WWOX: variants seen among roughly 807,000 people sequenced by gnomAD.
WWOX encodes WW domain-containing oxidoreductase.
Under a neutral mutation model 46.2 loss-of-function variants are expected in WWOX, and 69 were observed. The observed-to-expected ratio is 1.49, with a 90% CI of 1.23 to 1.82. The LOEUF (loss-of-function observed/expected upper bound fraction) is 1.82. Among genes scored for constraint, WWOX ranks in the 40% most tolerant of loss-of-function variants. The pLI is 0.00. For synonymous variants in WWOX, 359 were observed against 202.6 expected (o/e 1.77, Z -6.56); for missense variants, 919 against 542.6 (o/e 1.69, Z -6.89).
chr16:78,566,306 C>A (rs1324338762), intron 8 of WWOX, among the ~76,000 whole-genome samples: 1 of 152,204 alleles, frequency 6.6e-6, no homozygotes, highest in East Asian at 1.9e-4. Flanking sequence ...GAGAGGAACA[C>A]ATACATTTAG....
chr16:78,187,313 G>A (rs947181008), intron 5 of WWOX, among the ~76,000 whole-genome samples: 5 of 152,136 alleles, frequency 3.3e-5, no homozygotes, highest in Non-Finnish European at 7.3e-5. Flanking sequence ...CTGCACTCAA[G>A]GAACTTAGTC....
At chr16:79,174,230 C>T (rs2050756295) in intron 8 of WWOX, among the ~76,000 whole-genome samples, 1 of 152,198 alleles carries the variant, frequency 6.6e-6, no homozygotes, top group African/African-American at 2.4e-5. Context: ...TGCCTCTTGG[C>T]CACCAATGCT....
At chr16:78,728,239 A>G (rs1318774897) in intron 8 of WWOX, among the ~76,000 whole-genome samples, 2 of 151,122 alleles carry the variant, frequency 1.3e-5, no homozygotes, top group East Asian at 3.9e-4. Flanking sequence ...TGATTTTTGT[A>G]TTTTTTGTAG....
chr16:78,390,606 T>C (rs2082156333), intron 6 of WWOX, among the ~76,000 whole-genome samples: 1 of 152,212 alleles, frequency 6.6e-6, no homozygotes, highest in Non-Finnish European at 1.5e-5. Context: ...GATTTTACTT[T>C]TGAAATGCTG....
intron 8 of WWOX, among the ~76,000 whole-genome samples, chr16:78,913,515 C>T (rs966062197): frequency 4.6e-5 from 7 of 151,934 alleles, no homozygotes; most frequent in African/African-American, 1.7e-4. Context: ...CTGGATAGAG[C>T]CAGGGTCCCT....
chr16:78,278,212 T>A (rs1223398240), intron 5 of WWOX, among the ~76,000 whole-genome samples: 2 of 152,186 alleles, frequency 1.3e-5, no homozygotes, highest in African/African-American at 4.8e-5. Context: ...AGTGTGTGTA[T>A]GTGTATACAG....
At chr16:78,197,956 T>G (rs977426672) in intron 5 of WWOX, among the ~76,000 whole-genome samples, 2 of 152,056 alleles carry the variant, frequency 1.3e-5, no homozygotes, top group Non-Finnish European at 2.9e-5. Context: ...ATTTTTTTTT[T>G]AAATTTCTTC....
intron 8 of WWOX, among the ~76,000 whole-genome samples, chr16:78,936,014 G>A (rs2045730058): frequency 6.6e-6 from 1 of 152,112 alleles, no homozygotes; most frequent in Non-Finnish European, 1.5e-5. Flanking sequence ...CTGAAGTTCT[G>A]CCAACACAGT....
chr16:78,381,242 C>T (rs11150071), intron 5 of WWOX, among the ~76,000 whole-genome samples: 95,776 of 152,130 alleles, frequency 0.63, 31,527 homozygotes, highest in Non-Finnish European at 0.69. Flanking sequence ...TAAAATGATA[C>T]TAGAGATCAC....
intron 5 of WWOX, among the ~76,000 whole-genome samples, chr16:78,304,622 AC>A (rs1260573648): frequency 6.6e-6 from 1 of 152,202 alleles, no homozygotes; most frequent in Non-Finnish European, 1.5e-5. Context: ...GTGCTGCTTC[AC>A]GATAATCCAT....
intron 4 of WWOX, among the ~76,000 whole-genome samples, chr16:78,158,314 A>G (rs1035694074): frequency 1.3e-5 from 2 of 152,204 alleles, no homozygotes; most frequent in Non-Finnish European, 2.9e-5. Context: ...GCTGAATTGC[A>G]TAGCTGCCTT....
chr16:78,772,600 C>G (rs961808498), intron 8 of WWOX, among the ~76,000 whole-genome samples: 3 of 152,110 alleles, frequency 2.0e-5, no homozygotes, highest in Non-Finnish European at 4.4e-5. Flanking sequence ...ATTAAACAAA[C>G]AAATAAAAAA....
intron 8 of WWOX, among the ~76,000 whole-genome samples, chr16:78,712,760 T>C (rs553362836): frequency 1.8e-4 from 27 of 152,316 alleles, no homozygotes; most frequent in African/African-American, 4.6e-4. Flanking sequence ...TGAAATGATA[T>C]GATAACTAAG....
Position 78,917,560 on chromosome 16 carries a change from A to G in WWOX, c.1057-294048A>G, listed in dbSNP as rs559094997. Among the ~76,000 whole-genome samples the G allele has an allele frequency of 9.2e-5, 14 of 152,170 alleles. 1 individual carries two copies. The highest frequency in any genetic ancestry group is 5.9e-4 in the Admixed American group (9 of 15,290). ...TGTTGGAAATTATTCCTAACCCCCA[A>G]CCACTGTCACTGCCACAATCAAACA... On this transcript the variant is annotated intron_variant, in intron 8 of 8. Transcript: ENST00000566780.
chr16:78,604,117 C>T (rs924846914), intron 8 of WWOX, among the ~76,000 whole-genome samples: 2 of 152,082 alleles, frequency 1.3e-5, no homozygotes, highest in African/African-American at 2.4e-5. Flanking sequence ...GAATTCTAGC[C>T]TGGGTGACCG....
At chr16:78,844,893 A>G (rs963707425) in intron 8 of WWOX, among the ~76,000 whole-genome samples, 2 of 152,308 alleles carry the variant, frequency 1.3e-5, no homozygotes, top group Admixed American at 6.5e-5. Flanking sequence ...CAAAGTGGCC[A>G]GAGCTAGTGG....
intron 5 of WWOX, chr16:78,355,562 A>G: frequency 2.2e-6 from 1 of 452,898 alleles, no homozygotes; most frequent in South Asian, 1.9e-5. Context: ...GCAAACTACC[A>G]ACACTGTGGA....
chr16:79,126,694 G>A (rs1400502018), intron 8 of WWOX, among the ~76,000 whole-genome samples: 1 of 152,186 alleles, frequency 6.6e-6, no homozygotes, highest in African/African-American at 2.4e-5. Flanking sequence ...AGGGAGCAGT[G>A]ATGGAGCACA....
intron 8 of WWOX, among the ~76,000 whole-genome samples, chr16:78,500,940 A>G (rs1259633509): frequency 6.6e-6 from 1 of 152,166 alleles, no homozygotes; most frequent in East Asian, 1.9e-4. Context: ...CAAGTGATGC[A>G]GGTACCACGC....
Sources: allele counts gnomAD v4.1 joint callset (sites outside exome capture counted in the v4.1 genomes callset), GRCh38; gene constraint gnomAD v4.1.1; transcripts MANE v1.5; gene names NCBI Gene and HGNC (gene_info 2026-07-23, HGNC 2026-07-21).